Variants in EFCAB8 observed in about 807,000 individuals in gnomAD.
EFCAB8 encodes EF-hand calcium-binding domain-containing protein 8.
A neutral mutation model predicts 116.3 loss-of-function variants in EFCAB8; 100 were observed. The ratio of observed to expected loss-of-function variants is 0.86; its 90% CI spans 0.73 to 1.02. The LOEUF is 1.02. Among genes scored for constraint, EFCAB8 ranks in the 50% least tolerant of loss-of-function variants. EFCAB8 has a pLI of 0.00. For missense variants in EFCAB8, 1,320 were observed against 1,416.9 expected, an observed-to-expected ratio of 0.93 and a Z score of 1.10; for synonymous variants, 558 against 567.9, an observed-to-expected ratio of 0.98 and a Z score of 0.25.
intron 9 of EFCAB8, among the ~76,000 whole-genome samples, chr20:32,893,812 T>A (rs1166384929): frequency 2.0e-5 from 3 of 152,216 alleles, no homozygotes; most frequent in Non-Finnish European, 2.9e-5. Flanking sequence ...CACCCCTTGC[T>A]GAGCGCTTTG....
At position 32,906,607 on chromosome 20, in the gene EFCAB8, C is replaced by T. The variant is rs1159139057; in HGVS notation, c.1134C>T (p.Tyr378=). ...GGAAAGGGATTCTTTGCTTTGATTA[C>T]TGCCCAGACAGGAACTTCCTGGGTA... ...RLRKGILCFD[Y]CPDRNFLVTG... is the part of the protein sequence containing the mutation. The change falls in exon 12 of 27, where the codon TAC becomes TAT. Residue 378 remains tyrosine, a synonymous_variant. Coordinates refer to ENST00000400522, the MANE Select transcript of EFCAB8 (RefSeq NM_001143967.2). 2.8e-6 allele frequency: 2 copies of T among 718,338 alleles called. No homozygotes were observed. Among genetic ancestry groups the T allele is most frequent in the Non-Finnish European group, 5.2e-6 (2 of 385,098 alleles). 44.5% of individuals were successfully genotyped at this position (718,338 alleles called of 1,614,324 possible). A position where few individuals can be genotyped will look rare whatever the true frequency, so the allele number is the denominator to read the frequency against.
At chr20:32,931,479 C>G in intron 22 of EFCAB8, 143 bp downstream of exon 22, 3 of 1,166,092 alleles carry the variant, frequency 2.6e-6, no homozygotes, top group Non-Finnish European at 3.4e-6. Context: ...GTATTCGTGG[C>G]CAGTCGTGGT....
At chr20:32,860,760 A>G (rs1442244053) in intron 1 of EFCAB8, among the ~76,000 whole-genome samples, 1 of 151,676 alleles carries the variant, frequency 6.6e-6, no homozygotes, top group Admixed American at 6.6e-5. Context: ...TTTTTGAGAC[A>G]AGGTCTCATT....
intron 2 of EFCAB8, 78 bp from the exon 3 acceptor site, chr20:32,867,504 C>T: frequency 6.8e-7 from 1 of 1,463,250 alleles, no homozygotes; most frequent in East Asian, 2.5e-5. Flanking sequence ...AAGAGTCTCT[C>T]TTTAAATCAT....
intron 11 of EFCAB8, among the ~76,000 whole-genome samples, chr20:32,906,056 T>C (rs1317572735): frequency 6.6e-6 from 1 of 152,102 alleles, no homozygotes; most frequent in East Asian, 1.9e-4. Context: ...TTGTATGAGA[T>C]GTCCAGATGA....
chr20:32,869,204 A>T (rs930020714), intron 3 of EFCAB8, among the ~76,000 whole-genome samples: 7 of 152,032 alleles, frequency 4.6e-5, no homozygotes, highest in African/African-American at 1.7e-4. Context: ...CAAGCCAACA[A>T]CAGGGAGAAA....
chr20:32,883,534 G>T (rs1985449525), intron 5 of EFCAB8, among the ~76,000 whole-genome samples: 1 of 152,170 alleles, frequency 6.6e-6, no homozygotes, highest in Non-Finnish European at 1.5e-5. Context: ...CTGTTTTATA[G>T]CAGTAGGAAG....
At chr20:32,931,647 A>G (rs530438187) in intron 22 of EFCAB8, among the ~76,000 whole-genome samples, 16 of 152,226 alleles carry the variant, frequency 1.1e-4, no homozygotes, top group African/African-American at 3.9e-4. Flanking sequence ...AATCCCAGCT[A>G]CTCAGGAGGC....
chr20:32,908,560 C>A, intron 14 of EFCAB8, 148 bp downstream of exon 14: 1 of 886,436 alleles, frequency 1.1e-6, no homozygotes, highest in Non-Finnish European at 1.5e-6. Flanking sequence ...CTGTGAGGGG[C>A]CGTGTCTTGG....
chr20:32,898,430 G>A (rs1330319513), intron 10 of EFCAB8, 63 bp from the exon 11 acceptor site: 5 of 691,810 alleles, frequency 7.2e-6, no homozygotes, highest in South Asian at 3.0e-5. Context: ...GTCATGTTCT[G>A]GGGGCTGGGC....
At chr20:32,934,623 CGTGGGAGGGACCTG>C (rs1272776372) in intron 22 of EFCAB8, among the ~76,000 whole-genome samples, 2 of 152,130 alleles carry the variant, frequency 1.3e-5, no homozygotes, top group African/African-American at 2.4e-5. Flanking sequence ...CCCCAGCTGT[CGTGGGAGGGACCTG>C]GTGGGAGGTA....
intron 11 of EFCAB8, among the ~76,000 whole-genome samples, 180 bp from the exon 12 acceptor site, chr20:32,906,381 GC>G (rs1438456634): frequency 3.9e-5 from 6 of 152,116 alleles, no homozygotes; most frequent in Admixed American, 2.0e-4. Flanking sequence ...TGACTTGGCT[GC>G]AGGGTGAACC....
At chr20:32,865,470 A>T (rs765085237) in intron 2 of EFCAB8, among the ~76,000 whole-genome samples, 3 of 152,018 alleles carry the variant, frequency 2.0e-5, no homozygotes, top group Non-Finnish European at 2.9e-5. Context: ...TGGGGTGAAG[A>T]GTGTCAGAAG....
intron 6 of EFCAB8, 91 bp downstream of exon 6, chr20:32,885,731 C>A: frequency 6.7e-7 from 1 of 1,482,904 alleles, no homozygotes; most frequent in Non-Finnish European, 9.1e-7. Context: ...TGGAGCCAGG[C>A]AGATTCATGG....
chr20:32,878,654 G>A (rs1985135946), intron 4 of EFCAB8, 50 bp from the exon 5 acceptor site: 2 of 1,452,184 alleles, frequency 1.4e-6, no homozygotes, highest in Admixed American at 2.0e-5. Context: ...ACTGAAGGCT[G>A]AGACCATTTT....
chr20:32,875,181 A>G (rs747458770), intron 3 of EFCAB8, among the ~76,000 whole-genome samples: 2 of 152,172 alleles, frequency 1.3e-5, no homozygotes, highest in Non-Finnish European at 2.9e-5. Flanking sequence ...GTGCTCCCAT[A>G]TGGCGGGTTT....
chr20:32,895,458 G>A (rs550010501), intron 9 of EFCAB8, among the ~76,000 whole-genome samples: 5 of 151,254 alleles, frequency 3.3e-5, no homozygotes, highest in Non-Finnish European at 5.9e-5. Context: ...CCAAGTAGCT[G>A]GGACCACAGG....
chr20:32,917,718 C>T (rs145868532), intron 18 of EFCAB8, among the ~76,000 whole-genome samples: 253 of 152,280 alleles, frequency 1.7e-3, no homozygotes, highest in Non-Finnish European at 1.8e-3. Context: ...AGATGAAGCA[C>T]CTTGCCTAAG....
At chr20:32,876,924 C>T (rs1015279052) in intron 4 of EFCAB8, among the ~76,000 whole-genome samples, 2 of 152,116 alleles carry the variant, frequency 1.3e-5, no homozygotes, top group Admixed American at 1.3e-4. Flanking sequence ...GCTGAGATTG[C>T]ACCACTGTAC....
Sources: gnomAD v4.1 joint callset for allele counts (sites outside exome capture counted in the v4.1 genomes callset) on GRCh38, gnomAD v4.1.1 for gene constraint, MANE v1.5 for transcripts, NCBI Gene and HGNC (gene_info 2026-07-23, HGNC 2026-07-21) for gene names.